FEZ2: variants seen among roughly 807,000 people sequenced by gnomAD.
The protein encoded by FEZ2 is fasciculation and elongation protein zeta-2.
FEZ2 carries 51 observed loss-of-function variants against 40.4 expected under a neutral mutation model. The observed-to-expected ratio is 1.26, with a 90% CI of 1.01 to 1.59. The LOEUF is 1.59. FEZ2 is among the 40% of genes most tolerant of loss of function. The probability of loss-of-function intolerance (pLI) is 0.00; values close to 1 mark genes in which losing one functional copy is unlikely to be tolerated. For missense variants in FEZ2, 640 were observed against 438.3 expected, an observed-to-expected ratio of 1.46 and a Z score of -4.11; for synonymous variants, 242 against 172.0, an observed-to-expected ratio of 1.41 and a Z score of -3.18.
chr2:36,592,941 C>T (rs1351556992), intron 1 of FEZ2, among the ~76,000 whole-genome samples: 1 of 152,244 alleles, frequency 6.6e-6, no homozygotes, highest in Admixed American at 6.5e-5. Flanking sequence ...CTATTCTCCT[C>T]TCTGTTGGAA....
Position 36,578,672 on chromosome 2 carries a change from T to A in FEZ2, c.828A>T (p.Thr276=). The stretch of plus-strand genomic sequence containing the variant: ...TTTTTAGTTTCTTTTTCTTTTTTGC[T>A]GTTTCTTTGTGCTCTTTCTGTTTGT... ...VQNKQKEHKE[T]AKKKKKLKNG... is the part of the protein sequence containing the mutation. Residue 276 remains threonine (T), a synonymous_variant, in exon 5 of 8, where the codon ACA becomes ACT. Transcript: ENST00000405912. 1 of 1,613,840 alleles carries A rather than the reference T, an allele frequency of 6.2e-7. No homozygotes were observed. The highest frequency in any genetic ancestry group is 1.1e-5 in the South Asian group (1 of 91,042).
At chr2:36,566,224 C>T (rs953092156) in intron 5 of FEZ2, among the ~76,000 whole-genome samples, 2 of 151,962 alleles carry the variant, frequency 1.3e-5, no homozygotes, top group Admixed American at 6.6e-5. Flanking sequence ...CCTGTAGTCC[C>T]AGCTACTCGG....
Position 36,598,075 on chromosome 2 carries a change from T to TGGTCCAGGAG in FEZ2, c.58_67dup (p.Gln23ProfsTer8). Reference sequence around the variant, plus strand: ...CTCGGGGCTCGCGTTACAGTTCTCCTGGTCCAGGAGGCTCCGGGCCGGCTC... The same window carrying TGGTCCAGGAG: ...CTCGGGGCTCGCGTTACAGTTCTCCTGGTCCAGGAGGGTCCAGGAGGCTCCGGGCCGGCTC... On this transcript the variant is annotated frameshift_variant, in exon 1 of 8. Coordinates refer to ENST00000405912, the MANE Select transcript of FEZ2 (RefSeq NM_005102.3). LOFTEE classifies it high-confidence loss of function. 6.8e-7 allele frequency: 1 copy of TGGTCCAGGAG among 1,472,708 alleles called. No individual in the cohort carries two copies. Among genetic ancestry groups the TGGTCCAGGAG allele is most frequent in the Non-Finnish European group, 8.9e-7 (1 of 1,123,386 alleles). 91.2% of individuals were successfully genotyped at this position (1,472,708 alleles called of 1,614,324 possible). A position where few individuals can be genotyped will look rare whatever the true frequency, so the allele number is the denominator to read the frequency against.
chr2:36,590,457 C>A (rs1175648347), intron 2 of FEZ2: 1 of 154,878 alleles, frequency 6.5e-6, no homozygotes, highest in Non-Finnish European at 1.4e-5. Context: ...TACCTGAGGT[C>A]AGGAGTTCGA....
intron 5 of FEZ2, chr2:36,560,712 C>T: frequency 1.1e-6 from 1 of 888,142 alleles, no homozygotes; most frequent in South Asian, 1.6e-5. Flanking sequence ...TAGTAAACTA[C>T]CAGCTTTCAG....
chr2:36,553,853 T>A (rs892666496), intron 7 of FEZ2, among the ~76,000 whole-genome samples: 1 of 152,070 alleles, frequency 6.6e-6, no homozygotes, highest in African/African-American at 2.4e-5. Context: ...CCTTGAGCAA[T>A]ATCCCCCTCC....
At chr2:36,596,131 C>T (rs1036152411) in intron 1 of FEZ2, among the ~76,000 whole-genome samples, 2 of 152,178 alleles carry the variant, frequency 1.3e-5, no homozygotes, top group Non-Finnish European at 2.9e-5. Context: ...TGACGGCATG[C>T]ATGTGTGTAT....
chr2:36,554,051 T>G, intron 7 of FEZ2: 1 of 334,338 alleles, frequency 3.0e-6, no homozygotes, highest in Non-Finnish European at 6.1e-6. Context: ...TCCACTGTAG[T>G]CTAAATCCTT....
intron 2 of FEZ2, among the ~76,000 whole-genome samples, chr2:36,588,000 C>G (rs1450786234): frequency 6.6e-6 from 1 of 152,040 alleles, no homozygotes; most frequent in African/African-American, 2.4e-5. Flanking sequence ...TGTTCACTTT[C>G]ATCTGCTGAG....
In FEZ2 at chr2:36,583,395, G is replaced by T; in HGVS notation, c.450C>A (p.Ile150=). The T allele has an allele frequency of 3.1e-6, 5 of 1,606,986 alleles. No homozygotes were observed. The highest frequency in any genetic ancestry group is 4.3e-6 in the Non-Finnish European group (5 of 1,173,598). ...LREQLDMHSI[I]VSCVNDEPLF... ...GGGGTTCATCATTAACACAGGAGAC[G>T]ATGATTGAGTGCATATCCAGCTGTT... The change falls in exon 3 of 8, where the codon ATC becomes ATA. Residue 150 remains isoleucine, a synonymous_variant. Coordinates refer to ENST00000405912, the MANE Select transcript of FEZ2 (RefSeq NM_005102.3).
chr2:36,562,762 T>C (rs1220772488), intron 5 of FEZ2, among the ~76,000 whole-genome samples: 1 of 152,238 alleles, frequency 6.6e-6, no homozygotes, highest in African/African-American at 2.4e-5. Flanking sequence ...TCAGAGTATA[T>C]AATAACAATT....
intron 2 of FEZ2, among the ~76,000 whole-genome samples, chr2:36,585,099 G>A (rs1219868280): frequency 6.6e-6 from 1 of 151,824 alleles, no homozygotes; most frequent in African/African-American, 2.4e-5. Flanking sequence ...AAAGCTTCCA[G>A]GGAGGGAAAA....
intron 5 of FEZ2, among the ~76,000 whole-genome samples, chr2:36,575,359 A>G (rs1668538438): frequency 1.3e-5 from 2 of 151,702 alleles, no homozygotes; most frequent in Non-Finnish European, 2.9e-5. Context: ...TAATTTTATA[A>G]TTTTTATTTT....
At chr2:36,580,360 G>T (rs1668699257) in intron 4 of FEZ2, among the ~76,000 whole-genome samples, 1 of 152,160 alleles carries the variant, frequency 6.6e-6, no homozygotes, top group African/African-American at 2.4e-5. Flanking sequence ...CTAAGCTTTG[G>T]ACTGGGCATG....
At chr2:36,585,581 A>G (rs1350285648) in intron 2 of FEZ2, among the ~76,000 whole-genome samples, 2 of 152,234 alleles carry the variant, frequency 1.3e-5, no homozygotes, top group South Asian at 2.1e-4. Flanking sequence ...CTACGGCTCT[A>G]TTGAGGCTGA....
intron 5 of FEZ2, among the ~76,000 whole-genome samples, chr2:36,576,793 A>G (rs1209518159): frequency 6.6e-6 from 1 of 152,228 alleles, no homozygotes; most frequent in Non-Finnish European, 1.5e-5. Flanking sequence ...ATTTCTCAAT[A>G]TAAATGCCAT....
At chr2:36,571,782 G>A (rs1427780400) in intron 5 of FEZ2, among the ~76,000 whole-genome samples, 2 of 151,754 alleles carry the variant, frequency 1.3e-5, no homozygotes, top group Non-Finnish European at 2.9e-5. Context: ...AGGGCAGGTG[G>A]ATCACCTGAG....
chr2:36,558,687 ATT>A, intron 5 of FEZ2, 174 bp from the exon 6 acceptor site: 4 of 391,698 alleles, frequency 1.0e-5, no homozygotes, highest in Non-Finnish European at 1.8e-5. Context: ...GATGGAGCTC[ATT>A]TTTTTTTGCC....
intron 5 of FEZ2, among the ~76,000 whole-genome samples, chr2:36,567,614 T>C (rs1251277604): frequency 6.6e-6 from 1 of 151,806 alleles, no homozygotes; most frequent in Non-Finnish European, 1.5e-5. Context: ...GTACAAAAAT[T>C]AGCCAGACGT....
Sources: allele counts gnomAD v4.1 joint callset (sites outside exome capture counted in the v4.1 genomes callset), GRCh38; gene constraint gnomAD v4.1.1; transcripts MANE v1.5; gene names NCBI Gene and HGNC (gene_info 2026-07-23, HGNC 2026-07-21).